DAB1: variants seen among roughly 807,000 people sequenced by gnomAD.
DAB1 encodes the protein disabled homolog 1.
Under a neutral mutation model 64.6 loss-of-function variants are expected in DAB1, and 15 were observed. The observed-to-expected ratio is 0.23, with a 90% confidence interval of 0.16 to 0.36. DAB1 has a LOEUF of 0.36. Among genes scored for constraint, DAB1 ranks in the 10% least tolerant of loss-of-function variants. DAB1 has a pLI of 1.00. For synonymous variants in DAB1, 235 were observed against 251.9 expected (o/e 0.93, Z 0.64); for missense variants, 596 against 706.7 (o/e 0.84, Z 1.78).
At chr1:57,872,651 G>A (rs760237515) in intron 1 of DAB1, among the ~76,000 whole-genome samples, 5 of 152,090 alleles carry the variant, frequency 3.3e-5, no homozygotes, top group African/African-American at 9.7e-5. Flanking sequence ...AACATGTAAC[G>A]GACAGCTGGC....
chr1:58,268,838 T>C (rs1345825172), intron 4 of DAB1, among the ~76,000 whole-genome samples: 1 of 152,250 alleles, frequency 6.6e-6, no homozygotes, highest in East Asian at 1.9e-4. Flanking sequence ...AGTTGGAGGT[T>C]TCATACTTCT....
At chr1:58,418,898 T>G (rs976789176) in intron 3 of DAB1, among the ~76,000 whole-genome samples, 1 of 152,174 alleles carries the variant, frequency 6.6e-6, no homozygotes, top group Non-Finnish European at 1.5e-5. Context: ...CCCCAGTCTT[T>G]TTACCTCTAG....
chr1:57,023,679 C>A (rs1646694313), intron 10 of DAB1, 40 bp from the exon 11 acceptor site: 2 of 1,344,330 alleles, frequency 1.5e-6, no homozygotes, highest in Non-Finnish European at 2.1e-6. Flanking sequence ...TGAGACCTGG[C>A]TTAGCAGTCA....
intron 5 of DAB1, among the ~76,000 whole-genome samples, chr1:58,086,970 G>A (rs1308626937): frequency 5.3e-5 from 8 of 151,952 alleles, no homozygotes; most frequent in African/African-American, 4.8e-5. Context: ...ATGGAATAAC[G>A]GCAAGCTAGA....
chr1:58,253,247 G>A (rs938136244), intron 4 of DAB1, among the ~76,000 whole-genome samples: 1 of 152,166 alleles, frequency 6.6e-6, no homozygotes, highest in African/African-American at 2.4e-5. Flanking sequence ...ATGCTCTAAG[G>A]ATTTGCTCAT....
chr1:57,463,436 A>G (rs953320703), intron 7 of DAB1, among the ~76,000 whole-genome samples: 9 of 152,182 alleles, frequency 5.9e-5, no homozygotes, highest in African/African-American at 2.2e-4. Flanking sequence ...ATTATGTAGC[A>G]GAGTTTAGCT....
At chr1:57,301,076 C>G (rs913604490) in intron 1 of DAB1, among the ~76,000 whole-genome samples, 1 of 151,846 alleles carries the variant, frequency 6.6e-6, no homozygotes, top group African/African-American at 2.4e-5. Context: ...CCAAAGAGGT[C>G]CTAGATAAAT....
At chr1:57,114,415 C>G (rs1655930766) in intron 4 of DAB1, among the ~76,000 whole-genome samples, 1 of 152,064 alleles carries the variant, frequency 6.6e-6, no homozygotes, top group East Asian at 1.9e-4. Flanking sequence ...GTATCAGTAT[C>G]AACCGGAAAA....
intron 5 of DAB1, among the ~76,000 whole-genome samples, chr1:58,088,492 G>A (rs965445328): frequency 6.6e-6 from 1 of 152,034 alleles, no homozygotes; most frequent in Non-Finnish European, 1.5e-5. Flanking sequence ...TTAATTTTGG[G>A]GAAATAGCCA....
chr1:58,546,116 C>G (rs193296451), intron 1 of DAB1, among the ~76,000 whole-genome samples: 6 of 152,338 alleles, frequency 3.9e-5, no homozygotes, highest in African/African-American at 9.6e-5. Flanking sequence ...ACAGTGAGTT[C>G]TGTAGACGAG....
At chr1:58,229,323 G>A (rs1267600799) in intron 4 of DAB1, among the ~76,000 whole-genome samples, 1 of 152,116 alleles carries the variant, frequency 6.6e-6, no homozygotes, top group Admixed American at 6.5e-5. Flanking sequence ...TCTCTTACGT[G>A]CATTTTGAAA....
intron 6 of DAB1, among the ~76,000 whole-genome samples, chr1:57,800,531 G>A (rs775997874): frequency 3.9e-5 from 6 of 152,108 alleles, no homozygotes; most frequent in Non-Finnish European, 8.8e-5. Context: ...AATTAAATCT[G>A]GAAATTTGTC....
intron 1 of DAB1, among the ~76,000 whole-genome samples, chr1:57,369,659 C>T (rs1376058586): frequency 6.6e-6 from 1 of 152,164 alleles, no homozygotes; most frequent in African/African-American, 2.4e-5. Flanking sequence ...AGAGGTGGCA[C>T]AACTTCTGAG....
At chr1:57,504,393 C>G (rs1016836142) in intron 7 of DAB1, among the ~76,000 whole-genome samples, 1 of 151,984 alleles carries the variant, frequency 6.6e-6, no homozygotes, top group Admixed American at 6.6e-5. Context: ...ACACACACAC[C>G]CAATGATGCG....
chr1:57,526,039 G>A (rs1644589459), intron 7 of DAB1, among the ~76,000 whole-genome samples: 1 of 151,230 alleles, frequency 6.6e-6, no homozygotes, highest in Non-Finnish European at 1.5e-5. Flanking sequence ...CTGGGTTCAA[G>A]CAATTCTCCT....
At chr1:57,890,072 C>T (rs1010340475) in intron 5 of DAB1, among the ~76,000 whole-genome samples, 19 of 151,942 alleles carry the variant, frequency 1.3e-4, no homozygotes, top group African/African-American at 4.1e-4. Flanking sequence ...AGCCCACGGT[C>T]GAGTGGGAGG....
At chr1:57,436,689 G>T (rs1283393102) in intron 7 of DAB1, among the ~76,000 whole-genome samples, 1 of 152,172 alleles carries the variant, frequency 6.6e-6, no homozygotes, top group Non-Finnish European at 1.5e-5. Context: ...CTACAAAATG[G>T]AGACATTGTC....
chr1:58,483,512 G>C (rs112330285), intron 3 of DAB1, among the ~76,000 whole-genome samples: 501 of 152,302 alleles, frequency 3.3e-3, no homozygotes, highest in South Asian at 0.012. Flanking sequence ...TACTTAACGT[G>C]AAATTCTTCA....
intron 4 of DAB1, among the ~76,000 whole-genome samples, chr1:58,316,264 C>A (rs1191187584): frequency 1.3e-5 from 2 of 152,204 alleles, no homozygotes; most frequent in African/African-American, 2.4e-5. Context: ...TGCACACTTA[C>A]CTGTGTCAAG....
Sources: allele counts gnomAD v4.1 joint callset (sites outside exome capture counted in the v4.1 genomes callset), GRCh38; gene constraint gnomAD v4.1.1; transcripts MANE v1.5; gene names NCBI Gene and HGNC (gene_info 2026-07-23, HGNC 2026-07-21).